The following MAGI2 variants were observed in gnomAD, a reference collection of about 807,000 sequenced individuals.
MAGI2 encodes membrane associated guanylate kinase, WW and PDZ domain containing 2.
MAGI2 carries 35 observed loss-of-function variants against 133.3 expected under a neutral mutation model. The ratio of observed to expected loss-of-function variants is 0.26; its 90% confidence interval spans 0.20 to 0.35. The LOEUF (loss-of-function observed/expected upper bound fraction) is 0.35. MAGI2 is among the 10% of genes least tolerant of loss of function. MAGI2 has a pLI of 1.00. For synonymous variants in MAGI2, 729 were observed against 710.6 expected (o/e 1.03, Z -0.41); for missense variants, 1,636 against 1,863.4 (o/e 0.88, Z 2.25).
intron 2 of MAGI2, among the ~76,000 whole-genome samples, chr7:78,771,933 G>T (rs1190063505): frequency 6.6e-6 from 1 of 152,102 alleles, no homozygotes; most frequent in Non-Finnish European, 1.5e-5. Flanking sequence ...GTCTTAAATA[G>T]AAAATAAATG....
intron 16 of MAGI2, among the ~76,000 whole-genome samples, chr7:78,136,221 G>A (rs375759867): frequency 1.4e-4 from 21 of 151,740 alleles, no homozygotes; most frequent in Middle Eastern, 3.4e-3. Context: ...CTGGGTTCAC[G>A]CCATTCTCCT....
chr7:78,114,585 A>G (rs1488587705), intron 20 of MAGI2, among the ~76,000 whole-genome samples: 1 of 152,246 alleles, frequency 6.6e-6, no homozygotes, highest in Non-Finnish European at 1.5e-5. Flanking sequence ...TTTATGGCCC[A>G]GACAAGCCAC....
chr7:79,345,533 G>A (rs1174323816), intron 1 of MAGI2, among the ~76,000 whole-genome samples: 3 of 152,044 alleles, frequency 2.0e-5, no homozygotes, highest in Non-Finnish European at 4.4e-5. Flanking sequence ...TAAGAATCCA[G>A]GAAGACACCA....
chr7:79,009,623 C>T (rs531866365), intron 1 of MAGI2, among the ~76,000 whole-genome samples: 1 of 152,256 alleles, frequency 6.6e-6, no homozygotes, highest in African/African-American at 2.4e-5. Context: ...TAGTTTTGGG[C>T]AGAAACCTGC....
At chr7:79,207,556 T>C (rs541992508) in intron 1 of MAGI2, among the ~76,000 whole-genome samples, 12 of 151,796 alleles carry the variant, frequency 7.9e-5, no homozygotes, top group Non-Finnish European at 1.5e-4. Context: ...TGAAAGAAAT[T>C]GAAGACACAA....
intron 10 of MAGI2, among the ~76,000 whole-genome samples, chr7:78,236,980 C>T (rs544513559): frequency 3.9e-5 from 6 of 152,136 alleles, no homozygotes; most frequent in African/African-American, 1.4e-4. Flanking sequence ...GTGAGACTTA[C>T]TATCACAAGA....
chr7:78,279,973 A>G, intron 9 of MAGI2, among the ~76,000 whole-genome samples: 1 of 152,264 alleles, frequency 6.6e-6, no homozygotes, highest in South Asian at 2.1e-4. Context: ...TCCTTAAGCA[A>G]ACTCAGCTTA....
intron 7 of MAGI2, among the ~76,000 whole-genome samples, chr7:78,346,869 T>C (rs1460470435): frequency 1.3e-5 from 2 of 152,164 alleles, no homozygotes; most frequent in Non-Finnish European, 2.9e-5. Flanking sequence ...CATTGATACA[T>C]AGAATTATGG....
In MAGI2 at chr7:78,078,976, T is replaced by C; in HGVS notation, c.3677A>G (p.Lys1226Arg). 1 of 1,613,892 alleles carries C rather than the reference T, an allele frequency of 6.2e-7. No homozygotes were observed. Among genetic ancestry groups the C allele is most frequent in the Middle Eastern group, 1.6e-4 (1 of 6,062 alleles). ...TTCTGGGACCTGTCCCGTGCCTCTCTTGAGCAGCAGCCTCACTCGTCTTCC... is the reference window on the plus strand; with the variant it reads ...TTCTGGGACCTGTCCCGTGCCTCTCCTGAGCAGCAGCCTCACTCGTCTTCC... ...SGGRRVRLLL[K>R]RGTGQVPEYD... Residue 1226 changes from lysine to arginine, a missense_variant, in exon 21 of 22, where the codon AAG becomes AGG. By Grantham distance (26) the Lys-to-Arg change is conservative. Around this residue, in one of 5 missense-constraint regions of MAGI2, gnomAD observed 49 missense variants for 103.8 expected, o/e 0.47. Coordinates refer to ENST00000354212, the MANE Select transcript of MAGI2 (RefSeq NM_012301.4).
intron 2 of MAGI2, among the ~76,000 whole-genome samples, chr7:78,718,106 G>T (rs1285500352): frequency 1.3e-5 from 2 of 152,164 alleles, no homozygotes; most frequent in African/African-American, 4.8e-5. Flanking sequence ...GCTAATTCAT[G>T]CTTATTAAGT....
At chr7:78,188,779 T>C (rs1827937917) in intron 12 of MAGI2, among the ~76,000 whole-genome samples, 1 of 152,144 alleles carries the variant, frequency 6.6e-6, no homozygotes, top group Non-Finnish European at 1.5e-5. Flanking sequence ...AGCTATGGCA[T>C]CCATGAATTT....
intron 2 of MAGI2, among the ~76,000 whole-genome samples, chr7:78,944,886 G>A (rs746452167): frequency 6.6e-6 from 1 of 151,684 alleles, no homozygotes; most frequent in African/African-American, 2.4e-5. Context: ...ACAGGTGCAC[G>A]CCACTATGCC....
chr7:79,248,450 G>C (rs1832976637), intron 1 of MAGI2, among the ~76,000 whole-genome samples: 1 of 152,086 alleles, frequency 6.6e-6, no homozygotes, highest in South Asian at 2.1e-4. Flanking sequence ...TTCAGCATTG[G>C]ACAGATCATC....
intron 16 of MAGI2, among the ~76,000 whole-genome samples, chr7:78,156,085 T>C (rs1266896215): frequency 6.6e-6 from 1 of 152,204 alleles, no homozygotes; most frequent in Non-Finnish European, 1.5e-5. Flanking sequence ...AGACATCCCC[T>C]TGAGTCTGAA....
chr7:78,420,445 C>T (rs1458662012), intron 6 of MAGI2, among the ~76,000 whole-genome samples: 1 of 152,162 alleles, frequency 6.6e-6, no homozygotes, highest in East Asian at 1.9e-4. Flanking sequence ...ATATACCCAG[C>T]CTCTTTCAGG....
At chr7:78,895,033 G>A (rs1437689924) in intron 2 of MAGI2, among the ~76,000 whole-genome samples, 1 of 152,152 alleles carries the variant, frequency 6.6e-6, no homozygotes, top group South Asian at 2.1e-4. Flanking sequence ...CCTTTAAGAG[G>A]TGATAAGAGT....
intron 10 of MAGI2, 184 bp downstream of exon 10, chr7:78,255,759 A>C: frequency 1.5e-6 from 1 of 665,912 alleles, no homozygotes; most frequent in Non-Finnish European, 2.6e-6. Context: ...AAATAGAAAA[A>C]GACATATTCT....
intron 2 of MAGI2, among the ~76,000 whole-genome samples, chr7:78,875,137 CA>C (rs1258646169): frequency 6.6e-6 from 1 of 152,034 alleles, no homozygotes; most frequent in African/African-American, 2.4e-5. Flanking sequence ...GGCTGTTCAA[CA>C]AGTGACAGAT....
chr7:79,136,060 A>G lies in MAGI2; in HGVS notation c.302-128854T>C, dbSNP rs10248574. The stretch of plus-strand genomic sequence containing the variant: ...AAGAAAGAAAGAAGGAAAGAAAGAA[A>G]GAAAGAAGGAAAGAAAGAAAGAAAG... On this transcript the variant is annotated intron_variant, in intron 1 of 21. Coordinates refer to ENST00000354212, the MANE Select transcript of MAGI2 (RefSeq NM_012301.4). Among the ~76,000 whole-genome samples the G allele has an allele frequency of 3.0e-4, 39 of 131,196 alleles. 1 individual carries two copies. Among genetic ancestry groups the G allele is most frequent in the South Asian group, 1.2e-3 (5 of 4,184 alleles). The allele number at this position is 131,196 out of a possible 152,430, so 86.1% of individuals were successfully genotyped here.
Sources: gnomAD v4.1 joint callset for allele counts (sites outside exome capture counted in the v4.1 genomes callset) on GRCh38, gnomAD v4.1.1 for gene constraint, gnomAD v4.1.1 regional missense constraint, MANE v1.5 for transcripts, NCBI Gene and HGNC (gene_info 2026-07-23, HGNC 2026-07-21) for gene names.